CACNA1A: variants seen among roughly 807,000 people sequenced by gnomAD.
The protein encoded by CACNA1A is calcium voltage-gated channel subunit alpha1 A.
In CACNA1A, 57 loss-of-function variants were observed where a neutral mutation model predicts 262.4. That is an observed-to-expected ratio of 0.22 (90% CI 0.18 to 0.27). CACNA1A has a LOEUF of 0.27. Among genes scored for constraint, CACNA1A ranks in the 10% least tolerant of loss-of-function variants. The probability of loss-of-function intolerance (pLI) is 1.00; values close to 1 mark genes in which losing one functional copy is unlikely to be tolerated. For synonymous variants in CACNA1A, 1,431 were observed against 1,419.3 expected (o/e 1.01, Z -0.18); for missense variants, 2,526 against 3,562.8 (o/e 0.71, Z 7.41).
intron 4 of CACNA1A, chr19:13,365,887 C>T (rs1444188936): frequency 6.5e-6 from 1 of 154,742 alleles, no homozygotes; most frequent in African/African-American, 2.4e-5. Flanking sequence ...CCAGGCTGGC[C>T]TGAAACCCCT....
chr19:13,303,120 T>C (rs186929039), intron 17 of CACNA1A, among the ~76,000 whole-genome samples: 53 of 152,276 alleles, frequency 3.5e-4, no homozygotes, highest in African/African-American at 1.2e-3. Flanking sequence ...TGCCTTGCCA[T>C]GGTTCTGGGT....
chr19:13,237,916 G>A (rs559004160), intron 31 of CACNA1A, among the ~76,000 whole-genome samples: 5 of 152,294 alleles, frequency 3.3e-5, no homozygotes, highest in South Asian at 2.1e-4. Flanking sequence ...CCAGGCATGC[G>A]AAGGCAGGCG....
intron 12 of CACNA1A, among the ~76,000 whole-genome samples, chr19:13,310,477 A>T (rs2058002061): frequency 6.9e-4 from 29 of 42,252 alleles, no homozygotes; most frequent in African/African-American, 3.0e-3. Flanking sequence ...AAAAAAAAAA[A>T]AAAAAAAAAA....
chr19:13,372,294 G>A (rs1323777142), intron 3 of CACNA1A, among the ~76,000 whole-genome samples: 2 of 152,008 alleles, frequency 1.3e-5, no homozygotes, highest in South Asian at 2.1e-4. Flanking sequence ...TCAGCCTCCC[G>A]AGTAGCTGGG....
rs777894367 is a variant in CACNA1A, at chr19:13,208,841, C to G, written c.6695G>C (p.Arg2232Pro). The change falls in exon 46 of 47, where the codon CGG becomes CCG. Residue 2232 changes from arginine to proline, a missense_variant. Arg to Pro is a moderately radical substitution (Grantham distance 103). Around this residue, in one of 17 missense-constraint regions of CACNA1A, gnomAD observed 929 missense variants for 868.1 expected, o/e 1.07. Coordinates refer to ENST00000360228, the MANE Select transcript of CACNA1A (RefSeq NM_001127222.2). ...PPDKDRYAQE[R>P]PDHGRARARD... is the part of the protein sequence containing the mutation. ...AGCCCGTGCCCGGCCGTGGTCCGGC[C>G]GTTCCTGGGCATAGCGGTCCTTGTC... The G allele has an allele frequency of 6.7e-7, 1 of 1,493,988 alleles. No homozygotes were observed. The highest frequency in any genetic ancestry group is 2.0e-4 in the Middle Eastern group (1 of 5,030). 92.5% of individuals were successfully genotyped at this position (1,493,988 alleles called of 1,614,324 possible). A position where few individuals can be genotyped will look rare whatever the true frequency, so the allele number is the denominator to read the frequency against.
At chr19:13,233,867 A>G (rs960882471) in intron 34 of CACNA1A, among the ~76,000 whole-genome samples, 1 of 151,934 alleles carries the variant, frequency 6.6e-6, no homozygotes, top group African/African-American at 2.4e-5. Context: ...CGTCTTCCCC[A>G]TGGGGATGTT....
In CACNA1A at chr19:13,252,718, G is replaced by A. The variant is rs138067584; in HGVS notation, c.4866+273C>T. On this transcript the variant is annotated intron_variant, in intron 30 of 46. Transcript: ENST00000360228. ...TTTCAGTTTTCTTATCTCTAAAATG[G>A]ATGCTAAAGACTCCCAGCCATGATG... The A allele has an allele frequency of 5.5e-3, 1,334 of 243,508 alleles. 20 individuals carry two copies. The highest frequency in any genetic ancestry group is 0.027 in the African/African-American group (1,228 of 44,698). 15.1% of individuals were successfully genotyped at this position (243,508 alleles called of 1,614,324 possible).
rs777510892 is a variant in CACNA1A at position 13,230,117 on chromosome 19, G to A, written c.5493C>T (p.Tyr1831=). The part of the protein sequence containing the change: ...SILGPHHLDE[Y]VRVWAEYDPA... The stretch of plus-strand genomic sequence containing the variant: ...GGTCATACTCGGCCCAGACACGCAC[G>A]TACTCATCCAGGTGGTGGGGGCCCA... Residue 1831 remains tyrosine (Y), a synonymous_variant, in exon 36 of 47, where the codon TAC becomes TAT. Coordinates refer to ENST00000360228, the MANE Select transcript of CACNA1A (RefSeq NM_001127222.2). 12 of 1,613,706 alleles carry A rather than the reference G, an allele frequency of 7.4e-6. No homozygotes were observed. The highest frequency in any genetic ancestry group is 2.7e-5 in the African/African-American group (2 of 74,846).
chr19:13,456,202 G>A (rs904514375), intron 1 of CACNA1A, among the ~76,000 whole-genome samples: 4 of 151,926 alleles, frequency 2.6e-5, no homozygotes, highest in African/African-American at 9.7e-5. Context: ...AAAACATTAT[G>A]ATCAGATTTG....
At chr19:13,228,834 T>C in intron 36 of CACNA1A, 1 of 1,209,278 alleles carries the variant, frequency 8.3e-7, no homozygotes, top group South Asian at 1.3e-5. Context: ...AGGCAATGGG[T>C]TCACACGGGC....
At chr19:13,232,204 CTTTT>C (rs200455525) in intron 34 of CACNA1A, among the ~76,000 whole-genome samples, 1 of 140,972 alleles carries the variant, frequency 7.1e-6, no homozygotes, top group South Asian at 2.2e-4. Flanking sequence ...CTCTCTCTCT[CTTTT>C]TTTTTTTTGA....
chr19:13,492,312 CTA>C (rs1363089763), intron 1 of CACNA1A, among the ~76,000 whole-genome samples: 2 of 152,158 alleles, frequency 1.3e-5, no homozygotes, highest in Admixed American at 6.5e-5. Flanking sequence ...GGAAAATGCT[CTA>C]TGTCTTAAGT....
intron 6 of CACNA1A, among the ~76,000 whole-genome samples, chr19:13,358,570 C>T (rs532917403): frequency 1.3e-4 from 20 of 152,108 alleles, no homozygotes; most frequent in African/African-American, 4.3e-4. Flanking sequence ...GACATAGATT[C>T]GATTATGCTT....
intron 5 of CACNA1A, among the ~76,000 whole-genome samples, chr19:13,361,382 G>C (rs913086929): frequency 1.8e-4 from 28 of 152,184 alleles, no homozygotes; most frequent in African/African-American, 6.5e-4. Flanking sequence ...AGGGAGGCAG[G>C]AAAGCTCACA....
At chr19:13,499,209 A>G (rs2145164895) in intron 1 of CACNA1A, among the ~76,000 whole-genome samples, 1 of 152,150 alleles carries the variant, frequency 6.6e-6, no homozygotes, top group Non-Finnish European at 1.5e-5. Flanking sequence ...GAGGGAAGCT[A>G]ATTATATACT....
At chr19:13,233,475 T>A (rs1003475818) in intron 34 of CACNA1A, among the ~76,000 whole-genome samples, 7 of 152,160 alleles carry the variant, frequency 4.6e-5, no homozygotes, top group African/African-American at 7.2e-5. Flanking sequence ...TAACTTTTTT[T>A]AAAAATTAAA....
chr19:13,337,264 G>A (rs1346482081), intron 6 of CACNA1A, among the ~76,000 whole-genome samples: 1 of 152,160 alleles, frequency 6.6e-6, no homozygotes, highest in Non-Finnish European at 1.5e-5. Context: ...GGTGTCAGAA[G>A]GGCTGGTTCC....
intron 44 of CACNA1A, 37 bp from the exon 45 acceptor site, chr19:13,209,535 A>T: frequency 7.9e-7 from 1 of 1,270,480 alleles, no homozygotes; most frequent in Non-Finnish European, 1.0e-6. Flanking sequence ...TGGGGTCAGC[A>T]GCTAGCACCA....
chr19:13,215,987 CAT>C (rs1239044429), intron 38 of CACNA1A, among the ~76,000 whole-genome samples: 20 of 152,254 alleles, frequency 1.3e-4, no homozygotes, highest in Non-Finnish European at 2.5e-4. Flanking sequence ...GTGGCACAAA[CAT>C]AGCTCACTGC....
Sources: allele counts gnomAD v4.1 joint callset (sites outside exome capture counted in the v4.1 genomes callset), GRCh38; gene constraint gnomAD v4.1.1; regional missense constraint gnomAD v4.1.1; transcripts MANE v1.5; gene names NCBI Gene and HGNC (gene_info 2026-07-23, HGNC 2026-07-21).